EDRF1: variants seen among roughly 807,000 people sequenced by gnomAD.
EDRF1 encodes erythroid differentiation regulatory factor 1.
EDRF1 carries 69 observed loss-of-function variants against 148.7 expected under a neutral mutation model. That is an observed-to-expected ratio of 0.46 (90% CI 0.38 to 0.57). EDRF1 has a LOEUF of 0.57. EDRF1 is among the 20% of genes least tolerant of loss of function. The pLI is 0.00. For missense variants in EDRF1, 1,118 were observed against 1,478.7 expected (o/e 0.76, Z 4.00); for synonymous variants, 515 against 532.8 (o/e 0.97, Z 0.46).
At chr10:125,722,822 C>T (rs1848071931) in intron 2 of EDRF1, among the ~76,000 whole-genome samples, 1 of 152,056 alleles carries the variant, frequency 6.6e-6, no homozygotes, top group South Asian at 2.1e-4. Context: ...CTGGATGCTT[C>T]TAATGATTAT....
At chr10:125,740,932 C>G in intron 16 of EDRF1, 69 bp from the exon 17 acceptor site, 1 of 1,494,490 alleles carries the variant, frequency 6.7e-7, no homozygotes, top group East Asian at 2.3e-5. Flanking sequence ...ACAGTTTCTT[C>G]ATATTTCCTA....
At chr10:125,741,314 G>GTATT (rs758654778) in intron 17 of EDRF1, 113 bp downstream of exon 17, 13 of 1,023,988 alleles carry the variant, frequency 1.3e-5, no homozygotes, top group African/African-American at 8.0e-5. Flanking sequence ...TATTTGCTCT[G>GTATT]TATTTATTTA....
At position 125,763,869 on chromosome 10, in the gene EDRF1, A is replaced by G. The variant is rs571866210; in HGVS notation, c.*397A>G. 36 of 276,802 alleles carry G rather than the reference A, an allele frequency of 1.3e-4. No homozygotes were observed. The highest frequency in any genetic ancestry group is 7.6e-4 in the African/African-American group (34 of 44,920). 17.1% of individuals were successfully genotyped at this position (276,802 alleles called of 1,614,324 possible). ...TTATCCAGATGACATTACAGGTTCA[A>G]GTGGGTTAAGGAGACCTCCTGTACA... On this transcript the variant is annotated 3_prime_UTR_variant, in exon 25 of 25. Coordinates refer to ENST00000356792, the MANE Select transcript of EDRF1 (RefSeq NM_001202438.2). This position sits in a 1 kb window ranked among gnomAD's most constrained non-coding sequence, Gnocchi z 4.3.
chr10:125,734,096 G>A lies in EDRF1; in HGVS notation c.1410G>A (p.Lys470=). 1 of 1,613,080 alleles carries A rather than the reference G, an allele frequency of 6.2e-7. No individual in the cohort carries two copies. The highest frequency in any genetic ancestry group is 8.5e-7 in the Non-Finnish European group (1 of 1,179,234). ...LYKVACNMMM[K]KNQNKKHYGT... Reference sequence around the variant, plus strand: ...GGGTTGCTTGCAACATGATGATGAAGAAGAATCAAAATAAGAAACACTATG... The same window carrying A: ...GGGTTGCTTGCAACATGATGATGAAAAAGAATCAAAATAAGAAACACTATG... Residue 470 remains lysine (K), a synonymous_variant, in exon 12 of 25, where the codon AAG becomes AAA. Transcript: ENST00000356792.
At position 125,725,457 on chromosome 10, in the gene EDRF1, A is replaced by G. The variant is rs1194252686; in HGVS notation, c.635+15A>G. 2 of 1,613,706 alleles carry G rather than the reference A, an allele frequency of 1.2e-6. No homozygotes were observed. Among genetic ancestry groups the G allele is most frequent in the South Asian group, 1.1e-5 (1 of 91,036 alleles). On this transcript the variant is annotated intron_variant, in intron 5 of 24. Transcript: ENST00000356792. ...TTATATTACAGGTACTTGGCTACTT[A>G]TTTATCTCTAAAGAGAAAAAGGGAA...
intron 24 of EDRF1, among the ~76,000 whole-genome samples, chr10:125,754,181 A>T (rs1310467040): frequency 6.6e-6 from 1 of 151,182 alleles, no homozygotes; most frequent in Non-Finnish European, 1.5e-5. Context: ...ACACCACTGC[A>T]CTGCAGCCTA....
intron 6 of EDRF1, among the ~76,000 whole-genome samples, chr10:125,727,440 G>A (rs1848310683): frequency 6.6e-6 from 1 of 152,222 alleles, no homozygotes; most frequent in South Asian, 2.1e-4. Context: ...GGTTAAATAG[G>A]TGACTGTGGG....
rs1848401000 is a variant in EDRF1, at chr10:125,729,415, T to C, written c.952T>C (p.Leu318=). 1 of 1,613,958 alleles carries C rather than the reference T, an allele frequency of 6.2e-7. No homozygotes were observed. The highest frequency in any genetic ancestry group is 1.7e-5 in the Admixed American group (1 of 60,000). ...ILWTFEDIHM[L]VGSNMPIFGG... ...ATGGACATTTGAAGATATCCATATG[T>C]TGGTCGGCTCCAACATGCCCATATT... Residue 318 remains leucine, a synonymous_variant, in exon 8 of 25, where the codon TTG becomes CTG. Transcript: ENST00000356792.
chr10:125,753,003 G>T (rs1849716106), intron 23 of EDRF1, 89 bp downstream of exon 23: 2 of 875,066 alleles, frequency 2.3e-6, no homozygotes, highest in Non-Finnish European at 3.8e-6. Context: ...GTATGTGTGT[G>T]GGTATATATA....
chr10:125,729,244 T>G (rs1848393460), intron 7 of EDRF1, 114 bp from the exon 8 acceptor site: 1 of 1,479,382 alleles, frequency 6.8e-7, no homozygotes, highest in Admixed American at 1.9e-5. Flanking sequence ...TGATCTTAGC[T>G]CTGGGGCCTG....
intron 24 of EDRF1, among the ~76,000 whole-genome samples, chr10:125,759,812 G>A (rs531699066): frequency 1.3e-5 from 2 of 152,100 alleles, no homozygotes; most frequent in Admixed American, 6.5e-5. Context: ...CCAGGTTCAC[G>A]CCATTCTCCT....
chr10:125,752,812 T>TA lies in EDRF1; in HGVS notation c.3291_3292insA (p.Val1098SerfsTer12). 1 of 1,612,182 alleles carries TA rather than the reference T, an allele frequency of 6.2e-7. No homozygotes were observed. The highest frequency in any genetic ancestry group is 8.5e-7 in the Non-Finnish European group (1 of 1,178,372). On this transcript the variant is annotated frameshift_variant, in exon 23 of 25. Transcript: ENST00000356792. LOFTEE classifies it high-confidence loss of function. ...TTAAAACTTTAGGTCAGAATAGCAATGTTGGAAAGTTGAAAACACTATCTG... is the reference window on the plus strand; with the variant it reads ...TTAAAACTTTAGGTCAGAATAGCAATAGTTGGAAAGTTGAAAACACTATCTG...
intron 5 of EDRF1, 38 bp downstream of exon 5, chr10:125,725,480 G>A: frequency 1.2e-6 from 2 of 1,611,848 alleles, no homozygotes; most frequent in East Asian, 2.2e-5. Flanking sequence ...GAGAAAAAGG[G>A]AATTCTGATC....
At chr10:125,741,225 T>G (rs780208172) in intron 17 of EDRF1, 24 bp downstream of exon 17, 1 of 1,602,886 alleles carries the variant, frequency 6.2e-7, no homozygotes. Flanking sequence ...TTGGACCACG[T>G]GGTTCACAGT....
intron 8 of EDRF1, 26 bp from the exon 9 acceptor site, chr10:125,730,262 A>G: frequency 6.5e-7 from 1 of 1,542,862 alleles, no homozygotes; most frequent in Non-Finnish European, 9.0e-7. Context: ...ATTAAACCAA[A>G]TAACACTAGA....
Position 125,747,858 on chromosome 10 carries a change from A to G in EDRF1, c.2974-5A>G. ...TTTTTTTCTTCCCCCTCAAAACAAG[A>G]ACAGATTGAGAAAGAAGTCAGTGAG... is the stretch of plus-strand genomic sequence containing the variant. On this transcript the variant is annotated splice_region_variant and splice_polypyrimidine_tract_variant and intron_variant, in intron 20 of 24. Coordinates refer to ENST00000356792, the MANE Select transcript of EDRF1 (RefSeq NM_001202438.2). The G allele has an allele frequency of 1.9e-6, 3 of 1,614,174 alleles. No individual in the cohort carries two copies. The highest frequency in any genetic ancestry group is 2.5e-6 in the Non-Finnish European group (3 of 1,180,020).
chr10:125,724,294 A>C (rs1482263585), intron 4 of EDRF1, among the ~76,000 whole-genome samples: 1 of 152,236 alleles, frequency 6.6e-6, no homozygotes, highest in Admixed American at 6.5e-5. Flanking sequence ...CTACTGGAAA[A>C]TGTGAAAAAT....
In EDRF1 at chr10:125,719,778, C is replaced by G. The variant is rs767570102; in HGVS notation, c.-30C>G. The G allele has an allele frequency of 8.8e-6, 14 of 1,584,966 alleles. No homozygotes were observed. The highest frequency in any genetic ancestry group is 8.7e-5 in the Admixed American group (5 of 57,702). ...TTGCTGCTGCTGCTCCTCCGCTCCCCCGTCGTATCGCCTGCCCTGGATCGA... is the reference window on the plus strand; with the variant it reads ...TTGCTGCTGCTGCTCCTCCGCTCCCGCGTCGTATCGCCTGCCCTGGATCGA... On this transcript the variant is annotated 5_prime_UTR_variant, in exon 1 of 25. Transcript: ENST00000356792.
chr10:125,753,773 T>C lies in EDRF1; in HGVS notation c.3473T>C (p.Ile1158Thr), dbSNP rs755637723. The change falls in exon 24 of 25, where the codon ATA becomes ACA. Residue 1158 changes from isoleucine (I) to threonine (T), a missense_variant. Around this residue, in one of 3 missense-constraint regions of EDRF1, gnomAD observed 954 missense variants for 1,241.4 expected, o/e 0.77. Transcript: ENST00000356792. ...NREEVMKLLS[I>T]FESRLSFLLL... ...GAAGAAGTGATGAAACTCCTCAGTA[T>C]ATTTGAGTCTCGGTTGTCATTTCTT... 6.2e-7 allele frequency: 1 copy of C among 1,614,078 alleles called. No individual in the cohort carries two copies. The highest frequency in any genetic ancestry group is 8.5e-7 in the Non-Finnish European group (1 of 1,180,014).
Sources: allele counts gnomAD v4.1 joint callset (sites outside exome capture counted in the v4.1 genomes callset), GRCh38; gene constraint gnomAD v4.1.1; regional missense constraint gnomAD v4.1.1; non-coding constraint Gnocchi (gnomAD v3.1); transcripts MANE v1.5; gene names NCBI Gene and HGNC (gene_info 2026-07-23, HGNC 2026-07-21).